Variants in KIAA1217 observed in about 807,000 individuals in gnomAD.
KIAA1217 encodes KIAA1217.
Under a neutral mutation model 163.9 loss-of-function variants are expected in KIAA1217, and 88 were observed. The observed-to-expected ratio is 0.54, with a 90% confidence interval of 0.45 to 0.64. KIAA1217 has a LOEUF of 0.64. Among genes scored for constraint, KIAA1217 ranks in the 30% least tolerant of loss-of-function variants. The pLI is 0.00. For synonymous variants in KIAA1217, 903 were observed against 923.1 expected (o/e 0.98, Z 0.39); for missense variants, 2,372 against 2,475.0 (o/e 0.96, Z 0.88).
At chr10:24,010,752 C>G (rs1258536045) in intron 2 of KIAA1217, among the ~76,000 whole-genome samples, 1 of 151,766 alleles carries the variant, frequency 6.6e-6, no homozygotes, top group African/African-American at 2.4e-5. Flanking sequence ...CACTTGCATT[C>G]TGCTAACTTC....
chr10:24,070,547 G>C (rs1377305418), intron 2 of KIAA1217, among the ~76,000 whole-genome samples: 2 of 152,102 alleles, frequency 1.3e-5, no homozygotes, highest in African/African-American at 4.8e-5. Context: ...TATATAATCA[G>C]TTTCCAACTC....
chr10:24,077,178 A>G (rs537539975), intron 2 of KIAA1217, among the ~76,000 whole-genome samples: 1 of 152,124 alleles, frequency 6.6e-6, no homozygotes, highest in South Asian at 2.1e-4. Flanking sequence ...TGCCTGGCCT[A>G]TTTCCAATTT....
At chr10:24,061,221 A>G (rs998241634) in intron 2 of KIAA1217, among the ~76,000 whole-genome samples, 2 of 152,182 alleles carry the variant, frequency 1.3e-5, no homozygotes, top group Non-Finnish European at 1.5e-5. Context: ...TAACATTGTA[A>G]CAGTCTGTTT....
At chr10:24,052,236 G>A (rs1297368450) in intron 2 of KIAA1217, among the ~76,000 whole-genome samples, 1 of 152,080 alleles carries the variant, frequency 6.6e-6, no homozygotes, top group South Asian at 2.1e-4. Context: ...TAACATGTGA[G>A]CAGTATCTCT....
At chr10:23,716,315 T>C (rs1837566491) in intron 1 of KIAA1217, among the ~76,000 whole-genome samples, 1 of 152,208 alleles carries the variant, frequency 6.6e-6, no homozygotes, top group Non-Finnish European at 1.5e-5. Context: ...TCATTGAATT[T>C]CCTTTGCATT....
At chr10:23,957,370 C>A (rs1391526224) in intron 1 of KIAA1217, among the ~76,000 whole-genome samples, 1 of 152,156 alleles carries the variant, frequency 6.6e-6, no homozygotes, top group Non-Finnish European at 1.5e-5. Flanking sequence ...CCTGACTTCA[C>A]CTAGCTAACT....
rs150654114 is a variant in KIAA1217 at position 23,950,994 on chromosome 10, G to A, written c.-320-56231G>A. ...CCAGTCACTCCACTGGTGCTGGGGT[G>A]TTCATGATGTGAGACACTGCCCTTC... is the stretch of plus-strand genomic sequence containing the variant. On this transcript the variant is annotated intron_variant, in intron 1 of 18. Transcript: ENST00000376462. Among the ~76,000 whole-genome samples the A allele has an allele frequency of 5.1e-3, 781 of 152,298 alleles. 8 individuals are homozygous for A. The highest frequency in any genetic ancestry group is 0.018 in the African/African-American group (751 of 41,572).
chr10:24,101,273 A>G (rs1244019838), intron 2 of KIAA1217, among the ~76,000 whole-genome samples: 3 of 152,240 alleles, frequency 2.0e-5, no homozygotes, highest in Non-Finnish European at 4.4e-5. Flanking sequence ...AGCAGTGGCC[A>G]CACGGTATTG....
At chr10:24,459,844 T>G (rs1266010792) in intron 5 of KIAA1217, among the ~76,000 whole-genome samples, 1 of 152,128 alleles carries the variant, frequency 6.6e-6, no homozygotes, top group Non-Finnish European at 1.5e-5. Context: ...GGTGGGAGGA[T>G]CACTTGAACC....
chr10:23,975,308 T>C (rs902575343), intron 1 of KIAA1217, among the ~76,000 whole-genome samples: 9 of 152,128 alleles, frequency 5.9e-5, no homozygotes, highest in African/African-American at 2.2e-4. Flanking sequence ...AAGTGAGATC[T>C]CGTTTCAGGG....
intron 2 of KIAA1217, among the ~76,000 whole-genome samples, chr10:24,225,040 T>C (rs772708541): frequency 9.9e-5 from 15 of 152,240 alleles, no homozygotes; most frequent in East Asian, 9.7e-4. Flanking sequence ...TTAGCCAGGA[T>C]GGTCTCGATC....
At chr10:23,947,286 G>A (rs1324163869) in intron 1 of KIAA1217, among the ~76,000 whole-genome samples, 2 of 152,148 alleles carry the variant, frequency 1.3e-5, no homozygotes, top group East Asian at 3.8e-4. Context: ...TTTATGACTA[G>A]AAGAAAAGAT....
chr10:23,879,262 C>T (rs1840842621), intron 1 of KIAA1217, among the ~76,000 whole-genome samples: 1 of 151,866 alleles, frequency 6.6e-6, no homozygotes, highest in South Asian at 2.1e-4. Context: ...TGATTCTTAT[C>T]TCCATTTTAA....
intron 2 of KIAA1217, among the ~76,000 whole-genome samples, chr10:24,337,397 G>A (rs991155001): frequency 6.6e-6 from 1 of 152,140 alleles, no homozygotes; most frequent in Non-Finnish European, 1.5e-5. Flanking sequence ...GTATGAAGGA[G>A]TATCTCATTG....
chr10:24,257,326 G>A (rs1186848873), intron 2 of KIAA1217, among the ~76,000 whole-genome samples: 1 of 152,168 alleles, frequency 6.6e-6, no homozygotes, highest in Non-Finnish European at 1.5e-5. Flanking sequence ...CCTGAGAAAG[G>A]ATGGAACGGC....
intron 1 of KIAA1217, among the ~76,000 whole-genome samples, chr10:23,947,304 A>C (rs1844100506): frequency 6.6e-6 from 1 of 152,212 alleles, no homozygotes; most frequent in African/African-American, 2.4e-5. Flanking sequence ...GATGTAGTTA[A>C]ATAAAAAGCT....
At chr10:23,954,186 A>T (rs1340796939) in intron 1 of KIAA1217, among the ~76,000 whole-genome samples, 1 of 152,158 alleles carries the variant, frequency 6.6e-6, no homozygotes, top group Non-Finnish European at 1.5e-5. Flanking sequence ...TCTTCTAGTA[A>T]GTCAATAGAC....
chr10:24,137,978 A>G (rs2063897991), intron 2 of KIAA1217, among the ~76,000 whole-genome samples: 1 of 152,066 alleles, frequency 6.6e-6, no homozygotes, highest in African/African-American at 2.4e-5. Flanking sequence ...TAAAATATAA[A>G]AATAATGTAT....
intron 2 of KIAA1217, among the ~76,000 whole-genome samples, chr10:24,202,695 C>T (rs890124542): frequency 6.6e-6 from 1 of 152,150 alleles, no homozygotes; most frequent in Non-Finnish European, 1.5e-5. Context: ...CCTGGAAGCC[C>T]TGCCCCCCAG....
Sources: gnomAD v4.1 joint callset for allele counts (sites outside exome capture counted in the v4.1 genomes callset) on GRCh38, gnomAD v4.1.1 for gene constraint, MANE v1.5 for transcripts, NCBI Gene and HGNC (gene_info 2026-07-23, HGNC 2026-07-21) for gene names.